Variants in CCM2 observed in about 807,000 individuals in gnomAD.
The protein encoded by CCM2 is CCM2 scaffold protein.
Under a neutral mutation model 44.9 loss-of-function variants are expected in CCM2, and 25 were observed. The observed-to-expected ratio is 0.56, with a 90% CI of 0.41 to 0.78. CCM2 has a LOEUF of 0.78. Among genes scored for constraint, CCM2 ranks in the 30% least tolerant of loss-of-function variants. The probability of loss-of-function intolerance (pLI) is 0.00; values close to 1 mark genes in which losing one functional copy is unlikely to be tolerated. For synonymous variants in CCM2, 219 were observed against 241.1 expected (o/e 0.91, Z 0.85); for missense variants, 481 against 580.6 (o/e 0.83, Z 1.76).
At chr7:45,017,651 C>T (rs1248007234) in intron 1 of CCM2, among the ~76,000 whole-genome samples, 1 of 152,076 alleles carries the variant, frequency 6.6e-6, no homozygotes, top group Non-Finnish European at 1.5e-5. Flanking sequence ...TCTTCATGAA[C>T]GCATGTAATT....
chr7:45,028,501 CA>C (rs1796795520), intron 1 of CCM2, among the ~76,000 whole-genome samples: 1 of 152,102 alleles, frequency 6.6e-6, no homozygotes, highest in African/African-American at 2.4e-5. Flanking sequence ...ACTAAAAATA[CA>C]AAAAAATTGC....
intron 1 of CCM2, among the ~76,000 whole-genome samples, chr7:45,008,717 G>A (rs1206512786): frequency 6.6e-6 from 1 of 152,152 alleles, no homozygotes; most frequent in African/African-American, 2.4e-5. Context: ...CAGTTATGGT[G>A]CATGTTGATT....
intron 2 of CCM2, among the ~76,000 whole-genome samples, chr7:45,059,621 T>G (rs912277889): frequency 2.0e-5 from 3 of 152,168 alleles, no homozygotes; most frequent in East Asian, 3.9e-4. Context: ...TGGTGGCATG[T>G]GCGTGTAGTC....
intron 1 of CCM2, among the ~76,000 whole-genome samples, chr7:45,021,297 T>C (rs1241095287): frequency 6.6e-6 from 1 of 152,000 alleles, no homozygotes; most frequent in Non-Finnish European, 1.5e-5. Context: ...GCACGGTGGC[T>C]CACGCCTGTA....
At chr7:45,021,641 A>G (rs1796486398) in intron 1 of CCM2, among the ~76,000 whole-genome samples, 1 of 152,020 alleles carries the variant, frequency 6.6e-6, no homozygotes, top group African/African-American at 2.4e-5. Context: ...TCCCCTGGGT[A>G]TGCCTTTGGA....
chr7:45,076,167 C>T lies in CCM2; in HGVS notation c.*110C>T, dbSNP rs749193594. ...GCCCTTGGTGGTGGCCAGGGAGAGGCGCCCGGTGCAGATGGCCCCGGGCGG... is the reference window on the plus strand; with the variant it reads ...GCCCTTGGTGGTGGCCAGGGAGAGGTGCCCGGTGCAGATGGCCCCGGGCGG... On this transcript the variant is annotated 3_prime_UTR_variant, in exon 10 of 10. Transcript: ENST00000258781. 100 of 1,510,132 alleles carry T rather than the reference C, an allele frequency of 6.6e-5. No homozygotes were observed. Among genetic ancestry groups the T allele is most frequent in the African/African-American group, 3.8e-4 (28 of 72,868 alleles). The allele number at this position is 1,510,132 out of a possible 1,614,324, so 93.5% of individuals were successfully genotyped here.
chr7:45,029,028 T>C (rs1796831514), intron 1 of CCM2, among the ~76,000 whole-genome samples: 1 of 152,188 alleles, frequency 6.6e-6, no homozygotes, highest in South Asian at 2.1e-4. Context: ...GAATCATCGC[T>C]CCAGGTTCCA....
intron 1 of CCM2, among the ~76,000 whole-genome samples, chr7:45,036,752 A>G (rs900433835): frequency 2.6e-5 from 4 of 152,174 alleles, no homozygotes; most frequent in Non-Finnish European, 5.9e-5. Context: ...AATTTCCCAT[A>G]TGCTGGAGAG....
chr7:45,001,290 GTTCTCTACT>G (rs1184415986), intron 1 of CCM2, among the ~76,000 whole-genome samples: 3 of 152,174 alleles, frequency 2.0e-5, no homozygotes, highest in Non-Finnish European at 2.9e-5. Context: ...TGTGGTGCTG[GTTCTCTACT>G]TTCTCAACTC....
At chr7:45,030,029 C>G (rs1796887115) in intron 1 of CCM2, among the ~76,000 whole-genome samples, 1 of 152,174 alleles carries the variant, frequency 6.6e-6, no homozygotes, top group Non-Finnish European at 1.5e-5. Flanking sequence ...CATGGTGACT[C>G]AGAGCCCTGT....
intron 2 of CCM2, among the ~76,000 whole-genome samples, chr7:45,039,758 G>T (rs1226459788): frequency 6.6e-6 from 1 of 152,202 alleles, no homozygotes; most frequent in African/African-American, 2.4e-5. Context: ...CAGGTGCGGT[G>T]GCTCACACCT....
intron 1 of CCM2, among the ~76,000 whole-genome samples, chr7:45,005,296 A>G (rs935087450): frequency 6.6e-6 from 1 of 152,214 alleles, no homozygotes; most frequent in Admixed American, 6.5e-5. Context: ...CATAGTATGT[A>G]TTTGTTAATT....
intron 1 of CCM2, among the ~76,000 whole-genome samples, chr7:45,022,897 C>T (rs995972169): frequency 3.3e-5 from 5 of 151,730 alleles, no homozygotes; most frequent in Non-Finnish European, 5.9e-5. Context: ...CCCACCACCA[C>T]GCCTGGCTAA....
At chr7:45,073,200 T>C (rs1290151454) in intron 7 of CCM2, 3 of 582,764 alleles carry the variant, frequency 5.1e-6, no homozygotes, top group African/African-American at 1.9e-5. Flanking sequence ...CCAACAATGC[T>C]GCCCACTGCC....
At chr7:45,013,218 C>T (rs778168807) in intron 1 of CCM2, among the ~76,000 whole-genome samples, 7 of 152,116 alleles carry the variant, frequency 4.6e-5, no homozygotes, top group Non-Finnish European at 1.0e-4. Context: ...AAGAACCTAT[C>T]AGCAGTATCA....
chr7:45,039,568 C>G (rs939866815), intron 2 of CCM2, among the ~76,000 whole-genome samples: 1 of 151,892 alleles, frequency 6.6e-6, no homozygotes, highest in South Asian at 2.1e-4. Context: ...AGGCAGAGCT[C>G]AAGACAAATA....
intron 2 of CCM2, among the ~76,000 whole-genome samples, chr7:45,041,954 A>G (rs1797524729): frequency 6.6e-6 from 1 of 152,098 alleles, no homozygotes; most frequent in African/African-American, 2.4e-5. Flanking sequence ...CCAAGTAGGG[A>G]ATCTGACCTT....
At chr7:45,018,260 C>T (rs774987516) in intron 1 of CCM2, among the ~76,000 whole-genome samples, 4 of 152,180 alleles carry the variant, frequency 2.6e-5, no homozygotes, top group Admixed American at 6.5e-5. Context: ...TAACAGGCCA[C>T]GGACCCAGAC....
chr7:45,001,440 C>G (rs1335382936), intron 1 of CCM2, among the ~76,000 whole-genome samples: 1 of 152,232 alleles, frequency 6.6e-6, no homozygotes, highest in East Asian at 1.9e-4. Flanking sequence ...ATTAGAGATG[C>G]GTGCTGCGCA....
Sources: gnomAD v4.1 joint callset for allele counts (sites outside exome capture counted in the v4.1 genomes callset) on GRCh38, gnomAD v4.1.1 for gene constraint, MANE v1.5 for transcripts, NCBI Gene and HGNC (gene_info 2026-07-23, HGNC 2026-07-21) for gene names.